Variants in RYR1 observed in about 807,000 individuals in gnomAD.
RYR1 encodes the protein ryanodine receptor 1, also known as central core disease of muscle.
In RYR1, 342 loss-of-function variants were observed where a neutral mutation model predicts 583.5. The observed-to-expected ratio is 0.59, with a 90% CI of 0.54 to 0.64. RYR1 has a LOEUF of 0.64. Ranked by LOEUF, RYR1 falls within the 30% of genes least tolerant of loss-of-function variation. RYR1 has a pLI of 0.00. For synonymous variants in RYR1, 2,791 were observed against 2,822.5 expected, an observed-to-expected ratio of 0.99 and a Z score of 0.35; for missense variants, 6,032 against 6,917.2, an observed-to-expected ratio of 0.87 and a Z score of 4.54.
At chr19:38,509,440 TATTA>T (rs1202966315) in intron 58 of RYR1, among the ~76,000 whole-genome samples, 5 of 130,258 alleles carry the variant, frequency 3.8e-5, no homozygotes, top group African/African-American at 6.0e-5. Flanking sequence ...GTATTATTAT[TATTA>T]TTATTATTTT....
rs560214068 is a variant in RYR1 at position 38,537,985 on chromosome 19, A to G, written c.11689+25A>G. The G allele has an allele frequency of 4.9e-5, 39 of 800,222 alleles. No homozygotes were observed. The highest frequency in any genetic ancestry group is 7.8e-5 in the Non-Finnish European group (38 of 484,344). The allele number at this position is 800,222 out of a possible 1,614,324, so 49.6% of individuals were successfully genotyped here. On this transcript the variant is annotated intron_variant, in intron 84 of 105. Coordinates refer to ENST00000359596, the MANE Select transcript of RYR1 (RefSeq NM_000540.3). ...GGTGAGGAGGAGGGGTGTGGGGTGG[A>G]GGGGAAGCCGAGGTTTGGGGCTGGT...
Position 38,444,127 on chromosome 19 carries a change from C to T in RYR1, c.425-22C>T. 1 of 1,595,984 alleles carries T rather than the reference C, an allele frequency of 6.3e-7. No homozygotes were observed. The highest frequency in any genetic ancestry group is 1.1e-5 in the South Asian group (1 of 90,728). On this transcript the variant is annotated intron_variant, in intron 5 of 105. Coordinates refer to ENST00000359596, the MANE Select transcript of RYR1 (RefSeq NM_000540.3). This position sits in a 1 kb window ranked among gnomAD's most constrained non-coding sequence, Gnocchi z 5.1. ...GGGAAGCCATCATCTGACAGCCACC[C>T]CCATTCCATCCCCACCCATAGGAGA... is the stretch of plus-strand genomic sequence containing the variant.
chr19:38,455,284 C>T lies in RYR1; in HGVS notation c.1490C>T (p.Thr497Ile). The change falls in exon 14 of 106, where the codon ACC (threonine) becomes ATC (isoleucine). Residue 497 changes from threonine (T) to isoleucine (I), a missense_variant. Physicochemically the swap from Thr to Ile is moderately conservative, Grantham distance 89 (BLOSUM62 -1). Transcript: ENST00000359596. The part of the protein sequence containing the change: ...LNCIDRLNVY[T>I]TAAHFAEFAG... ...TGCATAGACCGCCTAAATGTCTACA[C>T]CACTGCTGCCCACTTTGCTGAGTTT... The T allele has an allele frequency of 1.2e-6, 2 of 1,614,132 alleles. No individual in the cohort carries two copies. Among genetic ancestry groups the T allele is most frequent in the African/African-American group, 1.3e-5 (1 of 75,024 alleles).
chr19:38,564,918 C>T (rs756230040), intron 90 of RYR1, 41 bp from the exon 91 acceptor site: 64 of 1,549,292 alleles, frequency 4.1e-5, no homozygotes, highest in Middle Eastern at 3.9e-4. Context: ...TCCGAGCCCC[C>T]GCTGACGGCG....
At chr19:38,552,105 AC>A (rs1972689143) in intron 89 of RYR1, among the ~76,000 whole-genome samples, 1 of 151,788 alleles carries the variant, frequency 6.6e-6, no homozygotes, top group Non-Finnish European at 1.5e-5. Context: ...GTGCCACCAC[AC>A]CCGGCTACTT....
Position 38,455,690 on chromosome 19 carries a change from T to C in RYR1, c.1730T>C (p.Ile577Thr). ...LIESPEVLNIIQENHIKSIIS... is the reference protein window; with the variant it reads ...LIESPEVLNITQENHIKSIIS... ...GAGAGTCCAGAGGTTCTGAACATCA[T>C]CCAGGAGAATCACATCAAGTCCATC... is the stretch of plus-strand genomic sequence containing the variant. The change falls in exon 16 of 106, where the codon ATC (isoleucine) becomes ACC (threonine). Residue 577 changes from isoleucine to threonine, a missense_variant. This residue lies in a region of RYR1 where 2,627 missense variants were observed against 2,961.3 expected (regional missense o/e 0.89). Transcript: ENST00000359596. The C allele has an allele frequency of 6.2e-7, 1 of 1,614,020 alleles. No individual in the cohort carries two copies. The highest frequency in any genetic ancestry group is 1.3e-5 in the African/African-American group (1 of 75,014).
At chr19:38,506,432 T>C (rs201298978) in intron 55 of RYR1, 39 bp from the exon 56 acceptor site, 1 of 1,613,828 alleles carries the variant, frequency 6.2e-7, no homozygotes, top group African/African-American at 1.3e-5. Flanking sequence ...GGGGCTGGCA[T>C]CCTCTGAATC....
chr19:38,532,445 G>A (rs1339832308), intron 76 of RYR1, 45 bp from the exon 77 acceptor site: 2 of 1,602,932 alleles, frequency 1.2e-6, no homozygotes, highest in African/African-American at 1.3e-5. Flanking sequence ...TAAGATGGGG[G>A]TCCTCTCCAC....
chr19:38,446,626 A>G lies in RYR1; in HGVS notation c.725+61A>G, dbSNP rs768204848. 8 of 1,601,436 alleles carry G rather than the reference A, an allele frequency of 5.0e-6. No homozygotes were observed. In the Admixed American group the frequency reaches 1.3e-4, roughly 27 times the overall value. Reference sequence around the variant, plus strand: ...GGTGGACGTGGAGGGCTGGGACCCTATGAGTAGGATTAGGGACCAGATTCC... The same window carrying G: ...GGTGGACGTGGAGGGCTGGGACCCTGTGAGTAGGATTAGGGACCAGATTCC... On this transcript the variant is annotated intron_variant, in intron 8 of 105. Coordinates refer to ENST00000359596, the MANE Select transcript of RYR1 (RefSeq NM_000540.3).
chr19:38,500,104 GAGCT>G lies in RYR1; in HGVS notation c.7323+89_7323+92del. 10 of 1,168,978 alleles carry G rather than the reference GAGCT, an allele frequency of 8.6e-6. No individual in the cohort carries two copies. Among genetic ancestry groups the G allele is most frequent in the Non-Finnish European group, 1.3e-5 (10 of 794,718 alleles). 72.4% of individuals were successfully genotyped at this position (1,168,978 alleles called of 1,614,324 possible). A position where few individuals can be genotyped will look rare whatever the true frequency, so the allele number is the denominator to read the frequency against. Reference sequence around the variant, plus strand: ...ATGCAGGCACTCGGTGACACGGAGTGAGCTCCCATATGTGGGTGGTCCTGGACTA... The same window carrying G: ...ATGCAGGCACTCGGTGACACGGAGTGCCCATATGTGGGTGGTCCTGGACTA... On this transcript the variant is annotated intron_variant, in intron 45 of 105. Coordinates refer to ENST00000359596, the MANE Select transcript of RYR1 (RefSeq NM_000540.3). The surrounding 1 kb of genome is among the most constrained non-coding windows in gnomAD (Gnocchi z 5.9).
chr19:38,455,857 C>T, intron 16 of RYR1, 106 bp downstream of exon 16: 1 of 766,980 alleles, frequency 1.3e-6, no homozygotes, highest in Non-Finnish European at 2.3e-6. Flanking sequence ...TCCATCTCAT[C>T]TCTCACCTGT....
Position 38,517,369 on chromosome 19 carries a change from C to T in RYR1, c.9696C>T (p.Leu3232=). 1.2e-6 allele frequency: 2 copies of T among 1,613,650 alleles called. No homozygotes were observed. The highest frequency in any genetic ancestry group is 1.7e-6 in the Non-Finnish European group (2 of 1,179,998). The part of the protein sequence containing the change: ...KSPRERAILG[L]PNSVEEMCPD... ...GTCCCTGTACCCCAGTCCTGGGGCTCCCCAACAGTGTGGAGGAGATGTGTC... is the reference window on the plus strand; with the variant it reads ...GTCCCTGTACCCCAGTCCTGGGGCTTCCCAACAGTGTGGAGGAGATGTGTC... Residue 3232 remains leucine (L), a synonymous_variant, in exon 66 of 106, where the codon CTC becomes CTT. Transcript: ENST00000359596.
intron 83 of RYR1, among the ~76,000 whole-genome samples, chr19:38,537,279 T>TGCGGTC (rs1972015427): frequency 6.6e-6 from 1 of 152,178 alleles, no homozygotes; most frequent in Admixed American, 6.5e-5. Context: ...TTGGCCCATT[T>TGCGGTC]GCGGTCTAGC....
chr19:38,515,199 T>C (rs1970907027), intron 64 of RYR1, 92 bp downstream of exon 64: 2 of 992,132 alleles, frequency 2.0e-6, no homozygotes, highest in Admixed American at 3.9e-5. Flanking sequence ...AAAAGCAGGG[T>C]AGATGTTAAG....
rs375979976 is a variant in RYR1, at chr19:38,483,287, C to T, written c.4708-3C>T. ...TGACCCATGTGTGTCTCTCTGCCCTCAGAACATCATGCCGTTGTCAGCCGC... is the reference window on the plus strand; with the variant it reads ...TGACCCATGTGTGTCTCTCTGCCCTTAGAACATCATGCCGTTGTCAGCCGC... On this transcript the variant is annotated splice_region_variant and splice_polypyrimidine_tract_variant and intron_variant, in intron 32 of 105. Transcript: ENST00000359596. This position sits in a 1 kb window ranked among gnomAD's most constrained non-coding sequence, Gnocchi z 6.3. 1.3e-6 allele frequency: 2 copies of T among 1,560,910 alleles called. No homozygotes were observed. Among genetic ancestry groups the T allele is most frequent in the Non-Finnish European group, 1.7e-6 (2 of 1,152,784 alleles).
intron 90 of RYR1, among the ~76,000 whole-genome samples, chr19:38,563,832 C>G (rs1380190204): frequency 1.3e-5 from 2 of 152,234 alleles, no homozygotes; most frequent in Non-Finnish European, 2.9e-5. Flanking sequence ...CATTCTGGAG[C>G]CAGCTCTCTG....
chr19:38,536,096 C>A (rs745609021), intron 82 of RYR1, 26 bp downstream of exon 82: 1 of 1,589,884 alleles, frequency 6.3e-7, no homozygotes, highest in Non-Finnish European at 8.6e-7. Context: ...GGGCTTCCCA[C>A]CCCCTGAGAC....
In RYR1 at chr19:38,444,824, C is replaced by G; in HGVS notation, c.631+147C>G. On this transcript the variant is annotated intron_variant, in intron 7 of 105. Coordinates refer to ENST00000359596, the MANE Select transcript of RYR1 (RefSeq NM_000540.3). The surrounding 1 kb of genome is among the most constrained non-coding windows in gnomAD (Gnocchi z 5.1). ...ATGGCTCTCACACTTAGATCTCCAG[C>G]TGACCCCAAATCCAGACCCCCAGAG... 1.5e-6 allele frequency: 1 copy of G among 656,130 alleles called. No individual in the cohort carries two copies. Among genetic ancestry groups the G allele is most frequent in the Non-Finnish European group, 2.7e-6 (1 of 364,434 alleles). 40.6% of individuals were successfully genotyped at this position (656,130 alleles called of 1,614,324 possible).
intron 20 of RYR1, among the ~76,000 whole-genome samples, chr19:38,462,436 T>C (rs1310191436): frequency 6.6e-6 from 1 of 151,934 alleles, no homozygotes; most frequent in African/African-American, 2.4e-5. Flanking sequence ...GATGCCTCTG[T>C]CCCCATCCCC....
Sources: gnomAD v4.1 joint callset for allele counts (sites outside exome capture counted in the v4.1 genomes callset) on GRCh38, gnomAD v4.1.1 for gene constraint, gnomAD v4.1.1 regional missense constraint, Gnocchi (gnomAD v3.1) non-coding constraint, MANE v1.5 for transcripts, NCBI Gene and HGNC (gene_info 2026-07-23, HGNC 2026-07-21) for gene names.